RBMX: variants seen among roughly 807,000 people sequenced by gnomAD.
RBMX encodes the protein RNA-binding motif protein, X chromosome.
Under a neutral mutation model 29.3 loss-of-function variants are expected in RBMX, and 1 was observed. The ratio of observed to expected loss-of-function variants is 0.03; its 90% CI spans 0.01 to 0.16. The LOEUF is 0.16. Ranked by LOEUF, RBMX falls within the 10% of genes least tolerant of loss-of-function variation. The pLI, the probability that RBMX is intolerant of heterozygous loss-of-function variation, is 1.00. For synonymous variants in RBMX, 102 were observed against 102.3 expected, an observed-to-expected ratio of 1.00 and a Z score of 0.02; for missense variants, 121 against 333.2, an observed-to-expected ratio of 0.36 and a Z score of 4.96.
At chrX:136,876,853 G>A (rs1182595574) in intron 4 of RBMX, among the ~76,000 whole-genome samples, 198 bp from the exon 5 acceptor site, 1 of 104,970 alleles carries the variant, frequency 9.5e-6, no homozygotes. Flanking sequence ...GATTACAGGT[G>A]TGCGCCACCA....
intron 3 of RBMX, 56 bp downstream of exon 3, chrX:136,878,961 A>C (rs982774666): frequency 2.5e-5 from 30 of 1,191,250 alleles, no homozygotes; most frequent in Non-Finnish European, 3.2e-5. Flanking sequence ...TTGGACAACT[A>C]CATGTTATTT....
At chrX:136,872,641 G>A (rs1226299506), downstream of RBMX, 5 of 258,388 alleles carry the variant, frequency 1.9e-5, no homozygotes, top group Non-Finnish European at 3.4e-5. Context: ...AATAAGTGCA[G>A]TATAAGGATT....
At chrX:136,875,615 T>C (rs373171432) in intron 5 of RBMX, 30 bp from the exon 6 acceptor site, 7 of 1,189,510 alleles carry the variant, frequency 5.9e-6, no homozygotes, top group East Asian at 3.0e-5. Flanking sequence ...TTTTTAAACA[T>C]AGCCAGAGAA....
intron 2 of RBMX, 39 bp from the exon 3 acceptor site, chrX:136,879,162 G>A (rs1337201987): frequency 1.7e-6 from 2 of 1,208,486 alleles, no homozygotes; most frequent in Admixed American, 2.2e-5. Flanking sequence ...TGTTACCCTA[G>A]GTCAAATGAA....
At chrX:136,877,222 C>T (rs1347436727) in intron 4 of RBMX, among the ~76,000 whole-genome samples, 2 of 104,452 alleles carry the variant, frequency 1.9e-5, no homozygotes, top group African/African-American at 7.0e-5. Context: ...ATCCCAGCTA[C>T]TTGGGAGGCT....
chrX:136,879,567 T>C (rs1419349831), intron 1 of RBMX, 114 bp from the exon 2 acceptor site: 10 of 648,650 alleles, frequency 1.5e-5, no homozygotes, highest in African/African-American at 2.3e-5. Flanking sequence ...CCTTAATAAC[T>C]AAAGAAAACG....
At chrX:136,878,680 CG>C (rs1189562247) in intron 3 of RBMX, among the ~76,000 whole-genome samples, 1 of 59,758 alleles carries the variant, frequency 1.7e-5, no homozygotes, top group African/African-American at 7.2e-5. Flanking sequence ...GCTTAGAACT[CG>C]GGAGACAGGC....
intron 4 of RBMX, among the ~76,000 whole-genome samples, chrX:136,877,514 G>A (rs183486419): frequency 9.8e-6 from 1 of 102,470 alleles, no homozygotes; most frequent in East Asian, 3.1e-4. Context: ...ACAGTGGCAC[G>A]ATCTCAACTC....
intron 3 of RBMX, among the ~76,000 whole-genome samples, 164 bp downstream of exon 3, chrX:136,878,853 G>GAATACTCTTT (rs2077767844): frequency 9.1e-6 from 1 of 110,129 alleles, no homozygotes. Flanking sequence ...TGCAATTACA[G>GAATACTCTTT]AATACTCTTT....
chrX:136,876,934 G>C (rs896569048), intron 4 of RBMX, among the ~76,000 whole-genome samples: 3 of 105,053 alleles, frequency 2.9e-5, no homozygotes, highest in African/African-American at 1.0e-4. Context: ...GGCTGGTCTC[G>C]AACTCCTGAC....
chrX:136,880,696 G>C lies in RBMX; in HGVS notation c.-126C>G, dbSNP rs1166586685. On this transcript the variant is annotated 5_prime_UTR_variant, in exon 1 of 9. Transcript: ENST00000320676. ...GGCTGCCGGGTGCGAGGACCGAACC[G>C]CGAAGCCGCTAGCACTACTGCGCAA... is the stretch of plus-strand genomic sequence containing the variant. 8.1e-6 allele frequency: 1 copy of C among 123,938 alleles called. No homozygotes were observed. Among genetic ancestry groups the C allele is most frequent in the African/African-American group, 3.2e-5 (1 of 31,409 alleles). The allele number at this position is 123,938 out of a possible 1,213,427, so 10.2% of individuals were successfully genotyped here.
At chrX:136,875,438 T>C in intron 6 of RBMX, 33 bp downstream of exon 6, 1 of 1,206,956 alleles carries the variant, frequency 8.3e-7, no homozygotes, top group Non-Finnish European at 1.1e-6. Flanking sequence ...TCAACCTTAA[T>C]TATTAATTTA....
chrX:136,872,370 CTAGT>C, downstream of RBMX: 1 of 1,141,914 alleles, frequency 8.8e-7, no homozygotes, highest in Non-Finnish European at 1.2e-6. Context: ...TAAATGAAAA[CTAGT>C]TATCTCTCTT....
intron 1 of RBMX, among the ~76,000 whole-genome samples, chrX:136,880,047 C>T (rs1421165704): frequency 8.9e-6 from 1 of 112,056 alleles, no homozygotes; most frequent in African/African-American, 3.2e-5. Context: ...TAACGGAACG[C>T]GGACGCACAC....
downstream of RBMX, among the ~76,000 whole-genome samples, chrX:136,871,776 A>G (rs2077686267): frequency 9.7e-6 from 1 of 103,159 alleles, no homozygotes; most frequent in Non-Finnish European, 2.0e-5. Context: ...CCTCCCCAGT[A>G]GCTGGGATTA....
chrX:136,879,398 G>A lies in RBMX; in HGVS notation c.30C>T (p.Leu10=). Residue 10 remains leucine (L), a synonymous_variant, in exon 2 of 9, where the codon CTC becomes CTT. Transcript: ENST00000320676. MVEADRPGK[L]FIGGLNTETN... ...TTTCCGTATTAAGCCCACCAATGAAGAGCTTTCCTGGGCGATCTGCTTCAA... is the reference window on the plus strand; with the variant it reads ...TTTCCGTATTAAGCCCACCAATGAAAAGCTTTCCTGGGCGATCTGCTTCAA... 40 of 1,209,442 alleles carry A rather than the reference G, an allele frequency of 3.3e-5. No homozygotes were observed. Among genetic ancestry groups the A allele is most frequent in the Non-Finnish European group, 4.4e-5 (39 of 895,018 alleles).
chrX:136,880,268 TG>T (rs1478418373), intron 1 of RBMX, among the ~76,000 whole-genome samples: 1 of 112,046 alleles, frequency 8.9e-6, no homozygotes, highest in East Asian at 2.8e-4. Context: ...GCAGCCCGCA[TG>T]GAAGTCCACA....
At chrX:136,877,131 G>A (rs749741454) in intron 4 of RBMX, among the ~76,000 whole-genome samples, 4 of 109,384 alleles carry the variant, frequency 3.7e-5, no homozygotes, top group African/African-American at 1.3e-4. Context: ...CTGAGGTCAG[G>A]AGTTCAAGAC....
At chrX:136,876,713 A>G (rs1322701074) in intron 4 of RBMX, 58 bp from the exon 5 acceptor site, 7 of 1,039,331 alleles carry the variant, frequency 6.7e-6, no homozygotes, top group East Asian at 3.3e-5. Context: ...GAAAGATATA[A>G]AAGTTTTTTT....
Sources: gnomAD v4.1 joint callset for allele counts (sites outside exome capture counted in the v4.1 genomes callset) on GRCh38, gnomAD v4.1.1 for gene constraint, MANE v1.5 for transcripts, NCBI Gene and HGNC (gene_info 2026-07-23, HGNC 2026-07-21) for gene names.